C4orf50: variants seen among roughly 807,000 people sequenced by gnomAD.
C4orf50 encodes uncharacterized protein C4orf50.
C4orf50 carries 80 observed loss-of-function variants against 77.2 expected under a neutral mutation model. The ratio of observed to expected loss-of-function variants is 1.04; its 90% confidence interval spans 0.87 to 1.25. C4orf50 has a LOEUF of 1.25. C4orf50 is among the 50% of genes most tolerant of loss of function. C4orf50 has a pLI of 0.00. For synonymous variants in C4orf50, 532 were observed against 465.3 expected, an observed-to-expected ratio of 1.14 and a Z score of -1.84; for missense variants, 1,257 against 1,152.9, an observed-to-expected ratio of 1.09 and a Z score of -1.31.
At chr4:5,935,266 A>T (rs1457912905) in intron 7 of C4orf50, among the ~76,000 whole-genome samples, 1 of 152,216 alleles carries the variant, frequency 6.6e-6, no homozygotes, top group Non-Finnish European at 1.5e-5. Context: ...AGACAGAGTC[A>T]GGGAGCTGGA....
rs550797969 is a variant in C4orf50 at position 5,921,936 on chromosome 4, A to T, written c.*2475-23748T>A. 2.0e-5 allele frequency among the ~76,000 whole-genome samples: 3 copies of T among 152,272 alleles called. No homozygotes were observed. In the South Asian group the frequency reaches 6.2e-4, roughly 32 times the overall value. ...CTCAGCTACTGCATCAGGCACAAAAAGCAGCAGAGTGTCTCTCTGATCCCA... is the reference window on the plus strand; with the variant it reads ...CTCAGCTACTGCATCAGGCACAAAATGCAGCAGAGTGTCTCTCTGATCCCA... On this transcript the variant is annotated intron_variant, in intron 7 of 7. Coordinates refer to the C4orf50 transcript ENST00000324058.
chr4:5,906,903 CTT>C (rs1716573850), intron 7 of C4orf50, among the ~76,000 whole-genome samples: 1 of 152,166 alleles, frequency 6.6e-6, no homozygotes, highest in South Asian at 2.1e-4. Context: ...GGTATCCAAA[CTT>C]ATATATAAAT....
rs1018697413 is a variant in C4orf50 at position 5,970,838 on chromosome 4, C to T, written c.4104+2821G>A. Reference sequence around the variant, plus strand: ...CTGGGACATGCTGAGGCTCAGGGTCCCCCGTGGAGCCTAGCAGCAGGATGC... The same window carrying T: ...CTGGGACATGCTGAGGCTCAGGGTCTCCCGTGGAGCCTAGCAGCAGGATGC... On this transcript the variant is annotated intron_variant, in intron 31 of 33. Coordinates refer to ENST00000531445, the Ensembl canonical transcript of C4orf50. The surrounding 1 kb of genome is among the most constrained non-coding windows in gnomAD (Gnocchi z 4.3). Among the ~76,000 whole-genome samples the T allele has an allele frequency of 6.6e-6, 1 of 152,180 alleles. No homozygotes were observed. The highest frequency in any genetic ancestry group is 1.5e-5 in the Non-Finnish European group (1 of 68,034).
intron 7 of C4orf50, among the ~76,000 whole-genome samples, chr4:5,939,013 A>AG (rs983969625): frequency 6.6e-6 from 1 of 152,052 alleles, no homozygotes; most frequent in Non-Finnish European, 1.5e-5. Flanking sequence ...AGGCCAAGGC[A>AG]GGGGGATCAC....
At chr4:5,944,774 G>A (rs1718411623) in intron 7 of C4orf50, among the ~76,000 whole-genome samples, 1 of 152,180 alleles carries the variant, frequency 6.6e-6, no homozygotes, top group Non-Finnish European at 1.5e-5. Flanking sequence ...GGGCTCAGCG[G>A]CACGGTGGGA....
chr4:5,913,718 C>T (rs1716907524), intron 7 of C4orf50, among the ~76,000 whole-genome samples: 1 of 152,166 alleles, frequency 6.6e-6, no homozygotes, highest in Admixed American at 6.5e-5. Flanking sequence ...AGTAAATCGT[C>T]CACAGACGTT....
intron 31 of C4orf50, among the ~76,000 whole-genome samples, chr4:5,971,435 A>G (rs1345441144): frequency 6.6e-6 from 1 of 152,046 alleles, no homozygotes; most frequent in Non-Finnish European, 1.5e-5. Context: ...CCTGGGGACC[A>G]CACTGCAGCC....
rs960195065 is a variant in C4orf50, at chr4:5,959,187, T to G, written c.*188A>C. 1.5e-5 allele frequency: 10 copies of G among 651,222 alleles called. No homozygotes were observed. The African/African-American group carries it at 1.8e-4, about 12-fold the overall frequency. The allele number at this position is 651,222 out of a possible 1,614,324, so 40.3% of individuals were successfully genotyped here. A position where few individuals can be genotyped will look rare whatever the true frequency, so the allele number is the denominator to read the frequency against. On this transcript the variant is annotated 3_prime_UTR_variant, in exon 34 of 34. Coordinates refer to ENST00000531445, the Ensembl canonical transcript of C4orf50. Reference sequence around the variant, plus strand: ...TTGCCAAAGCCAAACTCCTCAGAATTTGCCAGGCACAGGCCAGCGTTTCTC... The same window carrying G: ...TTGCCAAAGCCAAACTCCTCAGAATGTGCCAGGCACAGGCCAGCGTTTCTC...
At chr4:5,997,871 A>G (rs778030338) in intron 25 of C4orf50, among the ~76,000 whole-genome samples, 3 of 152,220 alleles carry the variant, frequency 2.0e-5, no homozygotes, top group Non-Finnish European at 4.4e-5. Flanking sequence ...TGGTTTTTAT[A>G]GCTAACTAAT....
At chr4:5,935,824 A>G (rs1238345168) in intron 7 of C4orf50, among the ~76,000 whole-genome samples, 1 of 149,160 alleles carries the variant, frequency 6.7e-6, no homozygotes, top group Non-Finnish European at 1.5e-5. Context: ...CCAGAGGCCA[A>G]CATTACAAAA....
rs1276291670 is a variant in C4orf50 at position 5,901,244 on chromosome 4, A to G, written c.*2475-3056T>C. 1 of 152,266 alleles carries G rather than the reference A, an allele frequency of 6.6e-6. No individual in the cohort carries two copies. The highest frequency in any genetic ancestry group is 1.5e-5 in the Non-Finnish European group (1 of 68,044). The allele number at this position is 152,266 out of a possible 1,614,324, so 9.4% of individuals were successfully genotyped here. A position where few individuals can be genotyped will look rare whatever the true frequency, so the allele number is the denominator to read the frequency against. On this transcript the variant is annotated intron_variant, in intron 7 of 7. Coordinates refer to the C4orf50 transcript ENST00000324058. This position sits in a 1 kb window ranked among gnomAD's most constrained non-coding sequence, Gnocchi z 4.4. ...GTTCATAATGGCACACAGTAGGTGT[A>G]TAATAAATGTGCATTATATTAATGA...
rs528136126 is a variant in C4orf50 at position 5,903,573 on chromosome 4, A to T, written c.*2475-5385T>A. 4 of 152,320 alleles carry T rather than the reference A, an allele frequency of 2.6e-5. No individual in the cohort carries two copies. In the South Asian group the frequency reaches 8.3e-4, roughly 32 times the overall value. The allele number at this position is 152,320 out of a possible 1,614,324, so 9.4% of individuals were successfully genotyped here. ...ACAAAGACTGTATGATTCCACTCAC[A>T]TGAGGTCCTAGAGTGGTCAAATTCA... On this transcript the variant is annotated intron_variant, in intron 7 of 7. Transcript: ENST00000324058.
intron 7 of C4orf50, among the ~76,000 whole-genome samples, chr4:5,921,085 G>T (rs1717248483): frequency 6.6e-6 from 1 of 152,226 alleles, no homozygotes; most frequent in Non-Finnish European, 1.5e-5. Context: ...GCAAGCAGCT[G>T]GTCCAGGAAG....
rs182256515 is a variant in C4orf50, at chr4:6,009,154, G to A, written c.427-622C>T. 2.6e-5 allele frequency among the ~76,000 whole-genome samples: 4 copies of A among 152,318 alleles called. No homozygotes were observed. The highest frequency in any genetic ancestry group is 2.6e-4 in the Admixed American group (4 of 15,294). ...CTGCGGCCAGGATGCCAAGCGCCTT[G>A]TATCTGACTCAGGCCTTTTCTTCTT... On this transcript the variant is annotated intron_variant, in intron 24 of 33. Transcript: ENST00000531445. The surrounding 1 kb of genome is among the most constrained non-coding windows in gnomAD (Gnocchi z 5.6).
chr4:5,969,373 T>C (rs1358911484), intron 31 of C4orf50, among the ~76,000 whole-genome samples: 1 of 151,180 alleles, frequency 6.6e-6, no homozygotes, highest in East Asian at 1.9e-4. Flanking sequence ...GTATGACCGC[T>C]CCTTTTTTAG....
intron 7 of C4orf50, among the ~76,000 whole-genome samples, chr4:5,930,188 G>A (rs1160413246): frequency 3.3e-5 from 5 of 152,170 alleles, no homozygotes; most frequent in Admixed American, 2.0e-4. Context: ...TCCCATTGAC[G>A]TCTCTCTAGG....
At position 5,912,158 on chromosome 4, in the gene C4orf50, A is replaced by G. The variant is rs149669808; in HGVS notation, c.*2475-13970T>C. Among the ~76,000 whole-genome samples the G allele has an allele frequency of 2.0e-5, 3 of 152,208 alleles. 1 individual carries two copies. Among genetic ancestry groups the G allele is most frequent in the East Asian group, 3.9e-4 (2 of 5,174 alleles). On this transcript the variant is annotated intron_variant, in intron 7 of 7. Coordinates refer to the C4orf50 transcript ENST00000324058. ...TTTCCGTGGTGTAAACACTCCTACTATGGCTGATTTTAAGCTGCTGATATG... is the reference window on the plus strand; with the variant it reads ...TTTCCGTGGTGTAAACACTCCTACTGTGGCTGATTTTAAGCTGCTGATATG...
At position 5,942,770 on chromosome 4, in the gene C4orf50, C is replaced by A. The variant is rs940257075; in HGVS notation, c.*2474+14131G>T. On this transcript the variant is annotated intron_variant, in intron 7 of 7. Coordinates refer to the C4orf50 transcript ENST00000324058. ...TCCATTATCTTAACCAACATGCTAT[C>A]CTGTCCCTATAAAATAGCATGTCAA... 3.9e-5 allele frequency among the ~76,000 whole-genome samples: 6 copies of A among 152,152 alleles called. No homozygotes were observed. In the South Asian group the frequency reaches 8.3e-4, roughly 21 times the overall value.
chr4:5,989,941 C>A (rs1338427628), exon 28 of C4orf50: 3 of 1,422,528 alleles, frequency 2.1e-6, no homozygotes, highest in South Asian at 3.2e-5. Flanking sequence ...TTCCTCCTTG[C>A]CCCTAGCTGT....
Sources: gnomAD v4.1 joint callset for allele counts (sites outside exome capture counted in the v4.1 genomes callset) on GRCh38, gnomAD v4.1.1 for gene constraint, Gnocchi (gnomAD v3.1) non-coding constraint, MANE v1.5 for transcripts, NCBI Gene and HGNC (gene_info 2026-07-23, HGNC 2026-07-21) for gene names.